ANO2: variants seen among roughly 807,000 people sequenced by gnomAD.
ANO2 encodes anoctamin-2.
ANO2 carries 101 observed loss-of-function variants against 124.2 expected under a neutral mutation model. That is an observed-to-expected ratio of 0.81 (90% CI 0.69 to 0.96). The LOEUF (loss-of-function observed/expected upper bound fraction) is 0.96. Ranked by LOEUF, ANO2 falls within the 40% of genes least tolerant of loss-of-function variation. The pLI, the probability that ANO2 is intolerant of heterozygous loss-of-function variation, is 0.00. For synonymous variants in ANO2, 486 were observed against 482.5 expected, an observed-to-expected ratio of 1.01 and a Z score of -0.09; for missense variants, 1,293 against 1,274.5, an observed-to-expected ratio of 1.01 and a Z score of -0.22.
chr12:5,749,615 A>G (rs1951378577), intron 11 of ANO2, among the ~76,000 whole-genome samples: 1 of 152,380 alleles, frequency 6.6e-6, no homozygotes, highest in Non-Finnish European at 1.5e-5. Context: ...TGCATCCAAA[A>G]GAATATTAAA....
At position 5,862,552 on chromosome 12, in the gene ANO2, G is replaced by T. The variant is rs1019340313; in HGVS notation, c.535-8411C>A. Among the ~76,000 whole-genome samples, 1 of 152,168 alleles carries T rather than the reference G, an allele frequency of 6.6e-6. No homozygotes were observed. The highest frequency in any genetic ancestry group is 1.5e-5 in the Non-Finnish European group (1 of 68,036). Reference sequence around the variant, plus strand: ...CCAGGAACAACTCCTCAAAGCCCAAGTGAAGAGGAAGCAGTGAGGGGAGCC... The same window carrying T: ...CCAGGAACAACTCCTCAAAGCCCAATTGAAGAGGAAGCAGTGAGGGGAGCC... On this transcript the variant is annotated intron_variant, in intron 3 of 24. Transcript: ENST00000682330. The surrounding 1 kb of genome is among the most constrained non-coding windows in gnomAD (Gnocchi z 4.0).
chr12:5,681,146 G>A (rs1169067113), intron 14 of ANO2, among the ~76,000 whole-genome samples: 1 of 152,194 alleles, frequency 6.6e-6, no homozygotes, highest in African/African-American at 2.4e-5. Context: ...GGAGGTGATT[G>A]CTAAGCAGGA....
At chr12:5,624,268 C>A (rs1009490558) in intron 16 of ANO2, among the ~76,000 whole-genome samples, 1 of 152,036 alleles carries the variant, frequency 6.6e-6, no homozygotes, top group African/African-American at 2.4e-5. Context: ...GAGAAACAGA[C>A]AGACAGACAG....
rs199726100 is a variant in ANO2 at position 5,744,224 on chromosome 12, G to A, written c.1284C>T (p.Thr428=). The A allele has an allele frequency of 3.2e-5, 51 of 1,613,952 alleles. No individual in the cohort carries two copies. The East Asian group carries it at 3.3e-4, about 11-fold the overall frequency. The change falls in exon 12 of 25, where the codon ACC becomes ACT. Residue 428 remains threonine (T), a synonymous_variant. Transcript: ENST00000682330. ...TGTCAAACAGGTGGCTGGCCTGCGC[G>A]GTCCCACAGGCTGAGCTGAGGTTCC... ...DYWNLSSACG[T]AQASHLFDNP...
At chr12:5,792,326 T>C (rs1952721557) in intron 10 of ANO2, among the ~76,000 whole-genome samples, 2 of 152,338 alleles carry the variant, frequency 1.3e-5, no homozygotes, top group African/African-American at 4.8e-5. Flanking sequence ...TCCTTCTCCA[T>C]TTTGTTCTGA....
chr12:5,622,823 G>T (rs1945182533), intron 16 of ANO2, among the ~76,000 whole-genome samples: 1 of 152,066 alleles, frequency 6.6e-6, no homozygotes, highest in African/African-American at 2.4e-5. Context: ...AATTAGCTGG[G>T]CGTGGTGGTA....
intron 10 of ANO2, among the ~76,000 whole-genome samples, chr12:5,757,913 G>A (rs776642164): frequency 1.3e-5 from 2 of 152,126 alleles, no homozygotes; most frequent in African/African-American, 2.4e-5. Flanking sequence ...TGTAATAACT[G>A]GAAGCTTCAA....
intron 19 of ANO2, among the ~76,000 whole-genome samples, chr12:5,610,743 TG>T (rs1944489090): frequency 7.2e-6 from 1 of 138,290 alleles, no homozygotes; most frequent in African/African-American, 2.7e-5. Context: ...TATATATATA[TG>T]AAAATAAATA....
At position 5,736,383 on chromosome 12, in the gene ANO2, C is replaced by G. The variant is rs529606988; in HGVS notation, c.1434+2934G>C. Among the ~76,000 whole-genome samples the G allele has an allele frequency of 1.2e-4, 18 of 152,286 alleles. 1 individual carries two copies. In the East Asian group the frequency reaches 3.1e-3, roughly 26 times the overall value. The stretch of plus-strand genomic sequence containing the variant: ...GCTTTGGTGTATGTCAGTTGGCACC[C>G]TCCTTTCCCCTGGGAAGCAAGTGTT... On this transcript the variant is annotated intron_variant, in intron 13 of 24. Coordinates refer to ENST00000682330, the MANE Select transcript of ANO2 (RefSeq NM_001364791.2).
At chr12:5,727,991 A>G (rs2137061276) in intron 14 of ANO2, among the ~76,000 whole-genome samples, 1 of 152,122 alleles carries the variant, frequency 6.6e-6, no homozygotes, top group African/African-American at 2.4e-5. Flanking sequence ...TATTTTTAGT[A>G]GAGATGGGGT....
chr12:5,781,567 T>C (rs143980415), intron 10 of ANO2, among the ~76,000 whole-genome samples: 2 of 152,390 alleles, frequency 1.3e-5, no homozygotes, highest in African/African-American at 4.8e-5. Context: ...AAAAAGGTCA[T>C]ATGAACTACT....
At chr12:5,832,988 G>A (rs1954203503) in intron 4 of ANO2, among the ~76,000 whole-genome samples, 1 of 152,132 alleles carries the variant, frequency 6.6e-6, no homozygotes, top group Admixed American at 6.5e-5. Flanking sequence ...CATATGATGA[G>A]GCAATTAAGG....
intron 19 of ANO2, among the ~76,000 whole-genome samples, chr12:5,603,387 C>A (rs552789982): frequency 1.3e-5 from 2 of 152,262 alleles, no homozygotes; most frequent in Non-Finnish European, 2.9e-5. Context: ...AAAGTCCTAA[C>A]CTGGCCTAAG....
At chr12:5,649,790 ATG>A (rs5796179) in intron 14 of ANO2, among the ~76,000 whole-genome samples, 78,195 of 149,252 alleles carry the variant, frequency 0.52, 21,396 homozygotes, top group East Asian at 0.64. Context: ...GCATGTGTGC[ATG>A]TGTGTGTGTG....
intron 20 of ANO2, among the ~76,000 whole-genome samples, chr12:5,585,312 G>A (rs1317924758): frequency 6.6e-6 from 1 of 152,160 alleles, no homozygotes; most frequent in Non-Finnish European, 1.5e-5. Context: ...TCACCTGGGG[G>A]TTTACACAAT....
chr12:5,675,923 G>A (rs1948221415), intron 14 of ANO2, among the ~76,000 whole-genome samples: 1 of 152,160 alleles, frequency 6.6e-6, no homozygotes, highest in South Asian at 2.1e-4. Flanking sequence ...GCCTGTCTTG[G>A]TCCCACCCTA....
chr12:5,583,911 A>T (rs1367676640), intron 20 of ANO2: 2 of 219,384 alleles, frequency 9.1e-6, no homozygotes, highest in Non-Finnish European at 2.0e-5. Context: ...CAACCTCACC[A>T]CCACAGAGTG....
intron 10 of ANO2, among the ~76,000 whole-genome samples, chr12:5,796,833 C>G (rs1178385804): frequency 1.3e-5 from 2 of 152,204 alleles, no homozygotes; most frequent in South Asian, 4.1e-4. Flanking sequence ...GGAAGGAGAG[C>G]TAGTTCCGGG....
chr12:5,839,638 T>C (rs1256800943), intron 4 of ANO2: 1 of 456,000 alleles, frequency 2.2e-6, no homozygotes, highest in South Asian at 1.5e-5. Context: ...TGGTTGATTG[T>C]GGTAAGCCCT....
Sources: gnomAD v4.1 joint callset for allele counts (sites outside exome capture counted in the v4.1 genomes callset) on GRCh38, gnomAD v4.1.1 for gene constraint, Gnocchi (gnomAD v3.1) non-coding constraint, MANE v1.5 for transcripts, NCBI Gene and HGNC (gene_info 2026-07-23, HGNC 2026-07-21) for gene names.